MTOR: variants seen among roughly 807,000 people sequenced by gnomAD.
MTOR encodes mechanistic target of rapamycin kinase, also known as serine/threonine-protein kinase mTOR.
Under a neutral mutation model 319.8 loss-of-function variants are expected in MTOR, and 70 were observed. The observed-to-expected ratio is 0.22, with a 90% CI of 0.18 to 0.27. The LOEUF (loss-of-function observed/expected upper bound fraction) is 0.27, where lower values mean the gene tolerates loss of function less well. Among genes scored for constraint, MTOR ranks in the 10% least tolerant of loss-of-function variants. The pLI is 1.00. For missense variants in MTOR, 1,890 were observed against 3,274.4 expected (o/e 0.58, Z 10.32); for synonymous variants, 1,183 against 1,211.4 (o/e 0.98, Z 0.49).
intron 6 of MTOR, among the ~76,000 whole-genome samples, chr1:11,250,544 C>T (rs1310325755): frequency 1.1e-4 from 16 of 152,304 alleles, no homozygotes; most frequent in African/African-American, 3.4e-4. Context: ...GTTCCTTCCC[C>T]ATCTGCCTTG....
intron 28 of MTOR, among the ~76,000 whole-genome samples, chr1:11,196,849 T>TAA (rs78265735): frequency 1.1e-4 from 15 of 133,850 alleles, no homozygotes; most frequent in African/African-American, 2.5e-4. Context: ...CGACTCCATC[T>TAA]AAAAAAAAAA....
At chr1:11,249,155 C>T (rs1443502013) in intron 6 of MTOR, among the ~76,000 whole-genome samples, 4 of 144,934 alleles carry the variant, frequency 2.8e-5, no homozygotes, top group East Asian at 4.7e-4. Flanking sequence ...ACCCAGGAGG[C>T]GGAGGTTGCA....
chr1:11,192,292 C>T, intron 28 of MTOR: 1 of 1,613,976 alleles, frequency 6.2e-7, no homozygotes, highest in Non-Finnish European at 8.5e-7. Context: ...ACTGCTCTTC[C>T]CTCTACCAGA....
At chr1:11,258,420 G>A (rs1650705055) in intron 3 of MTOR, 65 bp downstream of exon 3, 1 of 1,111,922 alleles carries the variant, frequency 9.0e-7, no homozygotes, top group Admixed American at 2.1e-5. Context: ...GTAAGTGGCA[G>A]ACACAGGGTG....
At chr1:11,246,878 T>C (rs977667692) in intron 8 of MTOR, among the ~76,000 whole-genome samples, 54 of 152,338 alleles carry the variant, frequency 3.5e-4, no homozygotes, top group African/African-American at 1.3e-3. Flanking sequence ...TTGAAGTAGC[T>C]TGAGGAGGCT....
chr1:11,186,392 G>A (rs1036256370), intron 28 of MTOR, among the ~76,000 whole-genome samples: 1 of 152,230 alleles, frequency 6.6e-6, no homozygotes, highest in East Asian at 1.9e-4. Flanking sequence ...AAGGCAGTGC[G>A]GCCCAAACAC....
At position 11,144,725 on chromosome 1, in the gene MTOR, G is replaced by A. The variant is rs1173863369; in HGVS notation, c.4795C>T (p.Leu1599=). 4 of 1,613,666 alleles carry A rather than the reference G, an allele frequency of 2.5e-6. No homozygotes were observed. The highest frequency in any genetic ancestry group is 2.2e-5 in the East Asian group (1 of 44,878). Residue 1599 remains leucine (L), a synonymous_variant, in exon 34 of 58, where the codon CTG becomes TTG. Coordinates refer to ENST00000361445, the MANE Select transcript of MTOR (RefSeq NM_004958.4). The part of the protein sequence containing the change: ...AMVSCHMLSE[L]EEVIQYKLVP... Reference sequence around the variant, plus strand: ...AGTTTGTACTGGATAACCTCCTCCAGCTCGGACAGCATGTGGCAAGAAACC... The same window carrying A: ...AGTTTGTACTGGATAACCTCCTCCAACTCGGACAGCATGTGGCAAGAAACC...
At chr1:11,236,828 T>C (rs1427931450) in intron 13 of MTOR, among the ~76,000 whole-genome samples, 1 of 152,122 alleles carries the variant, frequency 6.6e-6, no homozygotes, top group Non-Finnish European at 1.5e-5. Context: ...ATGATTTCTA[T>C]TCCTTCCTAT....
At chr1:11,211,222 C>T (rs996548274) in intron 23 of MTOR, among the ~76,000 whole-genome samples, 1 of 152,160 alleles carries the variant, frequency 6.6e-6, no homozygotes, top group Non-Finnish European at 1.5e-5. Context: ...CAAAGTCCAC[C>T]AAAAACTTCC....
intron 5 of MTOR, among the ~76,000 whole-genome samples, chr1:11,255,582 A>G (rs1414039048): frequency 2.6e-5 from 4 of 151,732 alleles, no homozygotes; most frequent in African/African-American, 9.7e-5. Flanking sequence ...CAGGCGCGGT[A>G]GCTCATGTCT....
In MTOR at chr1:11,209,423, C is replaced by A. The variant is rs2100782226; in HGVS notation, c.3690G>T (p.Leu1230Phe). ...TCCTAAGCATCCGATGCTGGTAAAT[C>A]AAAGGATCCTCCTCTTCATCAGCAA... ...YTLADEEEDP[L>F]IYQHRMLRSG... Residue 1230 changes from leucine (L) to phenylalanine (F), a missense_variant, in exon 25 of 58, where the codon TTG (leucine) becomes TTT (phenylalanine). By Grantham distance (22) the Leu-to-Phe change is conservative. This residue lies in a region of MTOR where 115 missense variants were observed against 105.7 expected (regional missense o/e 1.09). Coordinates refer to ENST00000361445, the MANE Select transcript of MTOR (RefSeq NM_004958.4). 6.2e-7 allele frequency: 1 copy of A among 1,614,188 alleles called. No homozygotes were observed. The highest frequency in any genetic ancestry group is 1.3e-5 in the African/African-American group (1 of 75,034).
intron 29 of MTOR, among the ~76,000 whole-genome samples, chr1:11,164,659 C>A (rs1267525237): frequency 1.3e-5 from 2 of 152,152 alleles, no homozygotes; most frequent in Non-Finnish European, 2.9e-5. Context: ...CGAATTCTAC[C>A]AGTGGTACAA....
At chr1:11,207,226 C>T (rs11121698) in intron 25 of MTOR, among the ~76,000 whole-genome samples, 83,891 of 151,836 alleles carry the variant, frequency 0.55, 27,168 homozygotes, top group East Asian at 0.78. Flanking sequence ...CTTAGCCTCT[C>T]GAGTAGCTGG....
intron 1 of MTOR, among the ~76,000 whole-genome samples, chr1:11,261,518 T>C (rs1651135289): frequency 6.6e-6 from 1 of 152,044 alleles, no homozygotes; most frequent in Admixed American, 6.6e-5. Flanking sequence ...CATTCCCTCA[T>C]TCCTCAATTA....
At chr1:11,108,985 TCAAA>T in intron 56 of MTOR, among the ~76,000 whole-genome samples, 1 of 152,128 alleles carries the variant, frequency 6.6e-6, no homozygotes, top group African/African-American at 2.4e-5. Flanking sequence ...CAAAACTGTC[TCAAA>T]CAAACAAAAA....
intron 34 of MTOR, among the ~76,000 whole-genome samples, chr1:11,141,559 G>C (rs951043974): frequency 6.6e-6 from 1 of 151,912 alleles, no homozygotes; most frequent in African/African-American, 2.4e-5. Context: ...AGTAGATACG[G>C]GGTTTTGCTA....
At chr1:11,190,976 G>A (rs183214700) in intron 28 of MTOR, among the ~76,000 whole-genome samples, 6 of 152,320 alleles carry the variant, frequency 3.9e-5, no homozygotes, top group African/African-American at 1.2e-4. Flanking sequence ...CACTTTCTAA[G>A]CATGGACTTC....
rs369780622 is a variant in MTOR, at chr1:11,121,760, G to T, written c.6810+219C>A. ...ATGGTGCCGAATATTTATCTGTCTA[G>T]TCTTCCCTAGGATGGTGAAAACAAT... is the stretch of plus-strand genomic sequence containing the variant. On this transcript the variant is annotated intron_variant, in intron 48 of 57. Coordinates refer to ENST00000361445, the MANE Select transcript of MTOR (RefSeq NM_004958.4). This position sits in a 1 kb window ranked among gnomAD's most constrained non-coding sequence, Gnocchi z 4.9. 5.9e-5 allele frequency among the ~76,000 whole-genome samples: 9 copies of T among 152,244 alleles called. No homozygotes were observed. The highest frequency in any genetic ancestry group is 2.2e-4 in the African/African-American group (9 of 41,534).
At chr1:11,177,039 G>A (rs1041162233) in intron 28 of MTOR, among the ~76,000 whole-genome samples, 3 of 152,128 alleles carry the variant, frequency 2.0e-5, no homozygotes, top group African/African-American at 7.2e-5. Flanking sequence ...AGACAGGAGG[G>A]GAAGTGAAGG....
Sources: gnomAD v4.1 joint callset for allele counts (sites outside exome capture counted in the v4.1 genomes callset) on GRCh38, gnomAD v4.1.1 for gene constraint, gnomAD v4.1.1 regional missense constraint, Gnocchi (gnomAD v3.1) non-coding constraint, MANE v1.5 for transcripts, NCBI Gene and HGNC (gene_info 2026-07-23, HGNC 2026-07-21) for gene names.